The following SNTG1 variants were observed in gnomAD, a reference collection of about 807,000 sequenced individuals.
The protein encoded by SNTG1 is gamma-1-syntrophin.
SNTG1 carries 39 observed loss-of-function variants against 74.7 expected under a neutral mutation model. The observed-to-expected ratio is 0.52, with a 90% CI of 0.40 to 0.68. The LOEUF (loss-of-function observed/expected upper bound fraction) is 0.68, where lower values mean the gene tolerates loss of function less well. Among genes scored for constraint, SNTG1 ranks in the 30% least tolerant of loss-of-function variants. The pLI is 0.00. For synonymous variants in SNTG1, 254 were observed against 217.1 expected (o/e 1.17, Z -1.49); for missense variants, 685 against 609.5 (o/e 1.12, Z -1.30).
chr8:50,415,012 A>G (rs905130097), intron 4 of SNTG1, among the ~76,000 whole-genome samples: 1 of 152,156 alleles, frequency 6.6e-6, no homozygotes, highest in African/African-American at 2.4e-5. Flanking sequence ...CATCTGGATA[A>G]TTGTTTCTTT....
At chr8:50,536,883 C>T in intron 11 of SNTG1, 75 bp downstream of exon 11, 1 of 1,495,356 alleles carries the variant, frequency 6.7e-7, no homozygotes, top group South Asian at 1.3e-5. Flanking sequence ...TTTGACATAT[C>T]ACAATACGCC....
chr8:50,464,761 A>G (rs1039401013), intron 8 of SNTG1, among the ~76,000 whole-genome samples: 2 of 151,750 alleles, frequency 1.3e-5, no homozygotes, highest in Non-Finnish European at 2.9e-5. Flanking sequence ...AACAAACAAA[A>G]ACCAAAAAAC....
At chr8:50,736,549 C>A (rs141783205) in intron 17 of SNTG1, among the ~76,000 whole-genome samples, 28 of 151,950 alleles carry the variant, frequency 1.8e-4, no homozygotes, top group African/African-American at 5.8e-4. Flanking sequence ...ATATTCAGAA[C>A]TTGGATCAGC....
chr8:49,912,403 C>T (rs899518835), intron 1 of SNTG1, among the ~76,000 whole-genome samples, 172 bp downstream of exon 1: 4 of 152,160 alleles, frequency 2.6e-5, no homozygotes, highest in Non-Finnish European at 4.4e-5. Flanking sequence ...ATCAAAATAA[C>T]ATACATGTTG....
chr8:50,452,057 T>C (rs976797575), intron 8 of SNTG1, among the ~76,000 whole-genome samples: 1 of 152,194 alleles, frequency 6.6e-6, no homozygotes, highest in African/African-American at 2.4e-5. Context: ...ACATTTCACA[T>C]CTAAGAGAGG....
At chr8:50,116,904 T>A (rs1309568367) in intron 1 of SNTG1, among the ~76,000 whole-genome samples, 1 of 151,840 alleles carries the variant, frequency 6.6e-6, no homozygotes, top group East Asian at 1.9e-4. Flanking sequence ...TGCAAAGGAG[T>A]CAAAAAACAT....
At chr8:50,761,035 C>A (rs887196307) in intron 18 of SNTG1, among the ~76,000 whole-genome samples, 1 of 151,996 alleles carries the variant, frequency 6.6e-6, no homozygotes, top group Non-Finnish European at 1.5e-5. Context: ...AGGCCAGCAT[C>A]ATCCTGATAC....
intron 2 of SNTG1, among the ~76,000 whole-genome samples, chr8:50,243,198 C>T (rs1467577957): frequency 6.6e-6 from 1 of 152,098 alleles, no homozygotes; most frequent in African/African-American, 2.4e-5. Flanking sequence ...TGAAAGACCT[C>T]TGTGAAAATT....
intron 16 of SNTG1, chr8:50,708,190 G>A (rs2131548293): frequency 5.8e-6 from 1 of 173,774 alleles, no homozygotes; most frequent in East Asian, 1.5e-4. Flanking sequence ...AACAGAGCAA[G>A]ACTCTGTTTC....
At chr8:50,285,385 T>C (rs2088709887) in intron 2 of SNTG1, among the ~76,000 whole-genome samples, 1 of 152,118 alleles carries the variant, frequency 6.6e-6, no homozygotes, top group African/African-American at 2.4e-5. Context: ...CTAGGTATGA[T>C]GTTAGAGCCA....
chr8:50,192,043 G>A (rs898533253), intron 2 of SNTG1, among the ~76,000 whole-genome samples: 2 of 152,116 alleles, frequency 1.3e-5, no homozygotes, highest in Non-Finnish European at 2.9e-5. Context: ...TGGACTTCAT[G>A]GAGTCAGAGA....
At chr8:50,269,433 T>C (rs2087659374) in intron 2 of SNTG1, among the ~76,000 whole-genome samples, 2 of 152,154 alleles carry the variant, frequency 1.3e-5, no homozygotes, top group African/African-American at 4.8e-5. Context: ...GTCATGATAG[T>C]GTATAAGTTT....
intron 1 of SNTG1, among the ~76,000 whole-genome samples, chr8:50,095,310 A>C (rs539511684): frequency 6.6e-6 from 1 of 152,190 alleles, no homozygotes; most frequent in East Asian, 1.9e-4. Flanking sequence ...CCTACAATAA[A>C]AGTTGAGAAA....
intron 15 of SNTG1, among the ~76,000 whole-genome samples, chr8:50,675,780 T>A (rs2095307183): frequency 6.6e-6 from 1 of 152,102 alleles, no homozygotes; most frequent in South Asian, 2.1e-4. Context: ...TGGTGTGTTT[T>A]TGCAGTGGCT....
intron 13 of SNTG1, among the ~76,000 whole-genome samples, chr8:50,600,061 A>G (rs1369971722): frequency 6.6e-6 from 1 of 152,166 alleles, no homozygotes; most frequent in Non-Finnish European, 1.5e-5. Context: ...TGAAATGATC[A>G]TATGGTTGTT....
At chr8:50,259,478 G>A (rs375814531) in intron 2 of SNTG1, among the ~76,000 whole-genome samples, 5 of 134,582 alleles carry the variant, frequency 3.7e-5, no homozygotes, top group African/African-American at 1.5e-4. Context: ...CAGCCTGGGC[G>A]ACAGAGAGAG....
rs941197462 is a variant in SNTG1 at position 50,794,998 on chromosome 8, T to C, written c.*2169T>C. The C allele has an allele frequency of 2.6e-5, 4 of 151,990 alleles. No homozygotes were observed. Among genetic ancestry groups the C allele is most frequent in the Admixed American group, 1.3e-4 (2 of 15,224 alleles). 9.4% of individuals were successfully genotyped at this position (151,990 alleles called of 1,614,324 possible). A position where few individuals can be genotyped will look rare whatever the true frequency, so the allele number is the denominator to read the frequency against. On this transcript the variant is annotated 3_prime_UTR_variant, in exon 19 of 19. Coordinates refer to ENST00000642720, the MANE Select transcript of SNTG1 (RefSeq NM_018967.5). Reference sequence around the variant, plus strand: ...AGGAAAAGGTGCACAATGAGATATGTATAAATATATATCTCCTCAGAGAAT... The same window carrying C: ...AGGAAAAGGTGCACAATGAGATATGCATAAATATATATCTCCTCAGAGAAT...
intron 15 of SNTG1, among the ~76,000 whole-genome samples, chr8:50,682,615 C>T (rs1193718153): frequency 6.6e-6 from 1 of 152,150 alleles, no homozygotes; most frequent in Non-Finnish European, 1.5e-5. Context: ...ACTGGTTATC[C>T]TCAGCCCTCA....
chr8:50,598,372 G>T (rs2094746444), intron 13 of SNTG1, among the ~76,000 whole-genome samples: 1 of 151,774 alleles, frequency 6.6e-6, no homozygotes, highest in Admixed American at 6.6e-5. Flanking sequence ...ATGTGTTCTT[G>T]ACACTTTTGT....
Sources: allele counts gnomAD v4.1 joint callset (sites outside exome capture counted in the v4.1 genomes callset), GRCh38; gene constraint gnomAD v4.1.1; transcripts MANE v1.5; gene names NCBI Gene and HGNC (gene_info 2026-07-23, HGNC 2026-07-21).